The following RFC3 variants were observed in gnomAD, a reference collection of about 807,000 sequenced individuals.
RFC3 encodes A1 38 kDa subunit.
In RFC3, 41 loss-of-function variants were observed where a neutral mutation model predicts 45.1. The observed-to-expected ratio is 0.91, with a 90% CI of 0.71 to 1.18. RFC3 has a LOEUF of 1.18. Among genes scored for constraint, RFC3 ranks in the 50% most tolerant of loss-of-function variants. The pLI is 0.00. For missense variants in RFC3, 423 were observed against 428.1 expected (o/e 0.99, Z 0.10); for synonymous variants, 149 against 144.0 (o/e 1.03, Z -0.25).
intron 8 of RFC3, among the ~76,000 whole-genome samples, chr13:33,854,063 T>G (rs1311223122): frequency 6.6e-6 from 1 of 152,192 alleles, no homozygotes; most frequent in African/African-American, 2.4e-5. Flanking sequence ...TGGAAGGTAG[T>G]AGAAAGATAC....
At chr13:33,851,129 G>C (rs1422155828) in intron 8 of RFC3, among the ~76,000 whole-genome samples, 1 of 152,000 alleles carries the variant, frequency 6.6e-6, no homozygotes, top group African/African-American at 2.4e-5. Context: ...TGATAAATTG[G>C]GTCCATAATT....
At chr13:33,946,625 T>A (rs2082956074) in intron 8 of RFC3, among the ~76,000 whole-genome samples, 1 of 152,232 alleles carries the variant, frequency 6.6e-6, no homozygotes, top group Non-Finnish European at 1.5e-5. Context: ...TATATTTTTG[T>A]AAATCTCTTT....
chr13:33,839,624 A>G (rs1228015645), downstream of RFC3, among the ~76,000 whole-genome samples: 1 of 152,178 alleles, frequency 6.6e-6, no homozygotes, highest in Non-Finnish European at 1.5e-5. Context: ...TCACTTCTCT[A>G]CTTAACTGTA....
At chr13:33,855,569 T>C (rs1307829188) in intron 8 of RFC3, among the ~76,000 whole-genome samples, 1 of 152,166 alleles carries the variant, frequency 6.6e-6, no homozygotes, top group Admixed American at 6.6e-5. Flanking sequence ...TCCACAATGG[T>C]TGAACTAATT....
chr13:33,969,193 A>G (rs2083100575), downstream of RFC3, among the ~76,000 whole-genome samples: 1 of 152,242 alleles, frequency 6.6e-6, no homozygotes, highest in Non-Finnish European at 1.5e-5. Flanking sequence ...TGCTGGATGA[A>G]AAGTGTCCTT....
intron 8 of RFC3, among the ~76,000 whole-genome samples, chr13:33,908,607 TACACACACACACACAC>T (rs71074991): frequency 1.4e-4 from 20 of 142,702 alleles, no homozygotes; most frequent in East Asian, 6.3e-4. Context: ...ACACAGGAGA[TACACACACACACACAC>T]ACACACACAC....
Position 33,836,478 on chromosome 13 carries a change from T to C in RFC3, c.*183T>C, listed in dbSNP as rs1593623633. The C allele has an allele frequency of 7.3e-7, 1 of 1,361,154 alleles. No individual in the cohort carries two copies. 84.3% of individuals were successfully genotyped at this position (1,361,154 alleles called of 1,614,324 possible). ...AATAATTGCTCCTATACTATTGAAG[T>C]ATGTAGTTTTGTACATAACTTAGAG... is the stretch of plus-strand genomic sequence containing the variant. On this transcript the variant is annotated 3_prime_UTR_variant, in exon 9 of 9. Transcript: ENST00000380071.
intron 8 of RFC3, chr13:33,849,079 G>A (rs1353176044): frequency 6.6e-6 from 1 of 152,014 alleles, no homozygotes; most frequent in Non-Finnish European, 1.5e-5. Context: ...CAGACAGGCA[G>A]ACAGACAGAT....
chr13:33,900,990 T>C (rs1490014725), intron 8 of RFC3, among the ~76,000 whole-genome samples: 1 of 151,892 alleles, frequency 6.6e-6, no homozygotes, highest in African/African-American at 2.4e-5. Context: ...AAAATCACAA[T>C]GAGACATTAT....
chr13:33,906,604 AC>A (rs2082673421), intron 8 of RFC3, among the ~76,000 whole-genome samples: 2 of 151,624 alleles, frequency 1.3e-5, no homozygotes, highest in South Asian at 4.2e-4. Flanking sequence ...TGAAAGGGCT[AC>A]TCCTTTTCCT....
chr13:33,966,870 A>T (rs1031111758), downstream of RFC3, among the ~76,000 whole-genome samples: 1 of 152,092 alleles, frequency 6.6e-6, no homozygotes, highest in Non-Finnish European at 1.5e-5. Context: ...GAAAAATGGG[A>T]AAGTGGCCAG....
At chr13:33,925,221 T>A (rs965495770) in intron 8 of RFC3, among the ~76,000 whole-genome samples, 2 of 109,900 alleles carry the variant, frequency 1.8e-5, no homozygotes, top group Non-Finnish European at 3.6e-5. Context: ...TAGTGTACTA[T>A]ATACATACAC....
chr13:33,901,065 G>GA (rs2082638553), intron 8 of RFC3, among the ~76,000 whole-genome samples: 3 of 151,900 alleles, frequency 2.0e-5, no homozygotes, highest in Admixed American at 2.0e-4. Flanking sequence ...GATGTGGAGA[G>GA]AGGGGGACCC....
Position 33,930,231 on chromosome 13 carries a change from G to A in RFC3, c.880-35856G>A, listed in dbSNP as rs778219328. On this transcript the variant is annotated intron_variant, in intron 8 of 8. Coordinates refer to the RFC3 transcript ENST00000434425. ...TCACATGATCACAAGGTGAAGTCCC[G>A]CAATAGGCCGTCTGCAAGTTGAGGA... Among the ~76,000 whole-genome samples, 52 of 152,122 alleles carry A rather than the reference G, an allele frequency of 3.4e-4. 1 individual carries two copies. Among genetic ancestry groups the A allele is most frequent in the African/African-American group, 4.8e-4 (20 of 41,526 alleles).
At chr13:33,819,290 C>A (rs980459802) in intron 1 of RFC3, among the ~76,000 whole-genome samples, 5 of 152,110 alleles carry the variant, frequency 3.3e-5, no homozygotes, top group African/African-American at 1.2e-4. Context: ...TTTGTGAGAA[C>A]GAACTGAATC....
chr13:33,872,792 A>ACACC (rs2082419779), intron 8 of RFC3, among the ~76,000 whole-genome samples: 1 of 97,448 alleles, frequency 1.0e-5, no homozygotes, highest in African/African-American at 4.1e-5. Flanking sequence ...AAGAAACCAA[A>ACACC]CCCCCCCCCC....
intron 8 of RFC3, chr13:33,848,420 A>G (rs1048337255): frequency 6.6e-6 from 1 of 152,232 alleles, no homozygotes; most frequent in African/African-American, 2.4e-5. Context: ...TGATTCCCAC[A>G]TCCAGACATG....
chr13:33,840,663 T>A (rs2082191400), downstream of RFC3, among the ~76,000 whole-genome samples: 2 of 151,938 alleles, frequency 1.3e-5, no homozygotes, highest in African/African-American at 4.8e-5. Flanking sequence ...ACTACAGAAG[T>A]CTGAACTGTG....
chr13:33,976,870 A>G, the RFC3 span, among the ~76,000 whole-genome samples: 1 of 152,124 alleles, frequency 6.6e-6, no homozygotes, highest in South Asian at 2.1e-4. Flanking sequence ...GTTTAGCATG[A>G]AAAAGGGAGA....
Sources: allele counts gnomAD v4.1 joint callset (sites outside exome capture counted in the v4.1 genomes callset), GRCh38; gene constraint gnomAD v4.1.1; transcripts MANE v1.5; gene names NCBI Gene and HGNC (gene_info 2026-07-23, HGNC 2026-07-21).